The following SPTA1 variants were observed in gnomAD, a reference collection of about 807,000 sequenced individuals.
SPTA1 encodes spectrin alpha, erythrocytic 1.
Under a neutral mutation model 324.7 loss-of-function variants are expected in SPTA1, and 177 were observed. That is an observed-to-expected ratio of 0.55 (90% CI 0.48 to 0.62). The LOEUF is 0.62. SPTA1 is among the 20% of genes least tolerant of loss of function. The pLI, the probability that SPTA1 is intolerant of heterozygous loss-of-function variation, is 0.00. For synonymous variants in SPTA1, 1,195 were observed against 1,041.3 expected (o/e 1.15, Z -2.84); for missense variants, 3,162 against 2,883.6 (o/e 1.10, Z -2.21).
At chr1:158,643,126 T>C in intron 31 of SPTA1, 150 bp from the exon 32 acceptor site, 1 of 1,300,254 alleles carries the variant, frequency 7.7e-7, no homozygotes, top group Non-Finnish European at 1.1e-6. Flanking sequence ...CTAAAGCCAG[T>C]TAATTTCTAA....
At chr1:158,657,083 G>A (rs1652884786) in intron 19 of SPTA1, among the ~76,000 whole-genome samples, 1 of 152,092 alleles carries the variant, frequency 6.6e-6, no homozygotes, top group South Asian at 2.1e-4. Context: ...TAACCTTTGT[G>A]GTTCTTCTTG....
intron 20 of SPTA1, among the ~76,000 whole-genome samples, chr1:158,655,283 C>T (rs1652752893): frequency 7.8e-6 from 1 of 128,184 alleles, no homozygotes; most frequent in African/African-American, 5.2e-5. Context: ...AAACTGAGAA[C>T]ATTAACTGAG....
At position 158,685,401 on chromosome 1, in the gene SPTA1, G is replaced by A. The variant is rs543408293; in HGVS notation, c.25-54C>T. ...CTAGTTCTCAAATATTTAACATGTT[G>A]CCCCGCTTATATGTGTCAAGGTGTT... On this transcript the variant is annotated intron_variant, in intron 1 of 51. Transcript: ENST00000643759. 2.2e-4 allele frequency: 346 copies of A among 1,603,726 alleles called. 2 individuals carry two copies. Among genetic ancestry groups the A allele is most frequent in the Non-Finnish European group, 2.8e-4 (331 of 1,178,704 alleles).
chr1:158,673,141 A>G lies in SPTA1; in HGVS notation c.1351-945T>C, dbSNP rs59543911. Among the ~76,000 whole-genome samples the G allele has an allele frequency of 9.6e-3, 1,463 of 152,146 alleles. 26 individuals carry two copies. Among genetic ancestry groups the G allele is most frequent in the African/African-American group, 0.033 (1,386 of 41,498 alleles). On this transcript the variant is annotated intron_variant, in intron 10 of 51. Coordinates refer to ENST00000643759, the MANE Select transcript of SPTA1 (RefSeq NM_003126.4). Reference sequence around the variant, plus strand: ...GTCAACAACAACAAAAAAGCAGAATAAACTATCAGAATCCCAGGATAACTG... The same window carrying G: ...GTCAACAACAACAAAAAAGCAGAATGAACTATCAGAATCCCAGGATAACTG...
At chr1:158,622,871 G>T in intron 43 of SPTA1, 112 bp downstream of exon 43, 1 of 985,164 alleles carries the variant, frequency 1.0e-6, no homozygotes, top group Non-Finnish European at 1.6e-6. Flanking sequence ...ATCTTTCAAT[G>T]CAATAAAAGG....
At chr1:158,664,890 A>T (rs1653487806) in intron 16 of SPTA1, among the ~76,000 whole-genome samples, 1 of 152,238 alleles carries the variant, frequency 6.6e-6, no homozygotes, top group Non-Finnish European at 1.5e-5. Flanking sequence ...TGGCTCATAT[A>T]CTTGGCTGCC....
chr1:158,668,637 C>G (rs1187266374), intron 14 of SPTA1, among the ~76,000 whole-genome samples: 2 of 152,120 alleles, frequency 1.3e-5, no homozygotes, highest in African/African-American at 4.8e-5. Flanking sequence ...AAGCCTAATT[C>G]TCATCCTGAT....
At chr1:158,646,336 G>A (rs1016117252) in intron 27 of SPTA1, among the ~76,000 whole-genome samples, 1 of 152,098 alleles carries the variant, frequency 6.6e-6, no homozygotes, top group Non-Finnish European at 1.5e-5. Context: ...TTAGCTCTAG[G>A]AAAGAGAGGT....
chr1:158,648,370 G>A (rs772032544), intron 26 of SPTA1, 139 bp downstream of exon 26: 5 of 1,293,228 alleles, frequency 3.9e-6, no homozygotes, highest in Non-Finnish European at 5.5e-6. Context: ...TAGGGACAGT[G>A]TACAAGAATA....
At position 158,669,522 on chromosome 1, in the gene SPTA1, A is replaced by G. The variant is rs1424215122; in HGVS notation, c.1719T>C (p.Thr573=). ...ATGACTCCTTCAGCAATCTACGTCTAGTGGCAGCCTTTTCACGTAGGGCAT... is the reference window on the plus strand; with the variant it reads ...ATGACTCCTTCAGCAATCTACGTCTGGTGGCAGCCTTTTCACGTAGGGCAT... ...RRDALREKAA[T]RRRLLKESLL... is the part of the protein sequence containing the mutation. The change falls in exon 14 of 52, where the codon ACT becomes ACC. Residue 573 remains threonine, a synonymous_variant. Transcript: ENST00000643759. 2 of 1,614,128 alleles carry G rather than the reference A, an allele frequency of 1.2e-6. No individual in the cohort carries two copies. Among genetic ancestry groups the G allele is most frequent in the Non-Finnish European group, 1.7e-6 (2 of 1,179,984 alleles).
intron 51 of SPTA1, chr1:158,612,542 C>T (rs1557916925): frequency 4.7e-6 from 2 of 428,726 alleles, no homozygotes; most frequent in African/African-American, 2.1e-5. Context: ...AATAAATGCT[C>T]TTTGAATTAA....
intron 10 of SPTA1, among the ~76,000 whole-genome samples, 198 bp downstream of exon 10, chr1:158,674,131 G>C (rs1468126165): frequency 6.6e-6 from 1 of 152,050 alleles, no homozygotes. Context: ...ACCTGAGGGA[G>C]GTCCTGGAAC....
chr1:158,672,513 G>T (rs1207631752), intron 10 of SPTA1, among the ~76,000 whole-genome samples: 1 of 152,128 alleles, frequency 6.6e-6, no homozygotes, highest in African/African-American at 2.4e-5. Flanking sequence ...TGGGTATCAG[G>T]ACTTAATGCC....
At chr1:158,632,759 C>CTT (rs34990595) in intron 39 of SPTA1, among the ~76,000 whole-genome samples, 4,375 of 138,294 alleles carry the variant, frequency 0.032, 80 homozygotes, top group Admixed American at 0.044. Flanking sequence ...AGGAATTTGG[C>CTT]TTTTTTTTTT....
intron 7 of SPTA1, 69 bp downstream of exon 7, chr1:158,677,621 A>C: frequency 6.3e-7 from 1 of 1,590,608 alleles, no homozygotes; most frequent in Non-Finnish European, 8.6e-7. Context: ...AGGCACGGTA[A>C]TAGGCAAGAT....
rs145017824 is a variant in SPTA1 at position 158,620,244 on chromosome 1, G to A, written c.6343C>T (p.Pro2115Ser). 5.0e-6 allele frequency: 8 copies of A among 1,614,122 alleles called. No individual in the cohort carries two copies. Among genetic ancestry groups the A allele is most frequent in the Non-Finnish European group, 6.8e-6 (8 of 1,180,028 alleles). The change falls in exon 44 of 52, where the codon CCT (proline) becomes TCT (serine). Residue 2115 changes from proline to serine, a missense_variant. Physicochemically the swap from Pro to Ser is moderately conservative, Grantham distance 74. Transcript: ENST00000643759. ...GTTAACCAGGTATAAGGGCTGGAAG[G>A]CACACCTAAGGCCTTAATCTGCTGG... is the stretch of plus-strand genomic sequence containing the variant. ...LDQQIKALGV[P>S]SSPYTWLTVE...
Position 158,668,012 on chromosome 1 carries a change from C to A in SPTA1, c.1884G>T (p.Lys628Asn). 1 of 1,613,258 alleles carries A rather than the reference C, an allele frequency of 6.2e-7. No individual in the cohort carries two copies. Among genetic ancestry groups the A allele is most frequent in the Non-Finnish European group, 8.5e-7 (1 of 1,179,884 alleles). Residue 628 changes from lysine (K) to asparagine (N), a missense_variant, in exon 15 of 52, where the codon AAG (lysine) becomes AAT (asparagine). Lys to Asn is a moderately conservative substitution (Grantham distance 94). Transcript: ENST00000643759. ...SRVQKQQVFE[K>N]ELAVNKTQLE... ...GCTGGGTCTTATTAACTGCCAACTC[C>A]TTTTCAAAGACTTGCTGCTTTTGAA...
Position 158,635,935 on chromosome 1 carries a change from G to A in SPTA1, c.5410C>T (p.Leu1804Phe), listed in dbSNP as rs116959874. ...LAQFVEHWEK[L>F]KELAKARGLK... ...CACCGGGCCTTGGCCAACTCTTTGA[G>A]CTTCTCCCAGTGTTCAACAAACTGA... The change falls in exon 38 of 52, where the codon CTC becomes TTC. Residue 1804 changes from leucine to phenylalanine, a missense_variant. By Grantham distance (22) the Leu-to-Phe change is conservative (BLOSUM62 0). Transcript: ENST00000643759. 2.8e-4 allele frequency: 458 copies of A among 1,614,184 alleles called. 5 individuals carry two copies. The East Asian group carries it at 9.4e-3, about 33-fold the overall frequency.
intron 39 of SPTA1, among the ~76,000 whole-genome samples, chr1:158,632,427 T>C (rs984629715): frequency 1.3e-5 from 2 of 152,098 alleles, no homozygotes; most frequent in Non-Finnish European, 2.9e-5. Flanking sequence ...ATTAAGAGAG[T>C]AGATCTCATG....
Sources: gnomAD v4.1 joint callset for allele counts (sites outside exome capture counted in the v4.1 genomes callset) on GRCh38, gnomAD v4.1.1 for gene constraint, MANE v1.5 for transcripts, NCBI Gene and HGNC (gene_info 2026-07-23, HGNC 2026-07-21) for gene names.